The following CCNE2 variants were observed in gnomAD, a reference collection of about 807,000 sequenced individuals.
CCNE2 encodes the protein cyclin E2.
In CCNE2, 18 loss-of-function variants were observed where a neutral mutation model predicts 56.8. The observed-to-expected ratio is 0.32, with a 90% CI of 0.22 to 0.47. The LOEUF is 0.47. Among genes scored for constraint, CCNE2 ranks in the 20% least tolerant of loss-of-function variants. The pLI, the probability that CCNE2 is intolerant of heterozygous loss-of-function variation, is 1.00. For synonymous variants in CCNE2, 139 were observed against 149.2 expected (o/e 0.93, Z 0.50); for missense variants, 371 against 467.1 (o/e 0.79, Z 1.90).
At position 94,892,972 on chromosome 8, in the gene CCNE2, G is replaced by A. The variant is rs771951249; in HGVS notation, c.166-3C>T. The A allele has an allele frequency of 6.6e-6, 10 of 1,524,578 alleles. No individual in the cohort carries two copies. Among genetic ancestry groups the A allele is most frequent in the East Asian group, 2.6e-5 (1 of 38,652 alleles). The allele number at this position is 1,524,578 out of a possible 1,614,324, so 94.4% of individuals were successfully genotyped here. A position where few individuals can be genotyped will look rare whatever the true frequency, so the allele number is the denominator to read the frequency against. On this transcript the variant is annotated splice_polypyrimidine_tract_variant and splice_region_variant and intron_variant, in intron 4 of 11. Coordinates refer to ENST00000308108, the MANE Select transcript of CCNE2 (RefSeq NM_057749.3). ...GATAATACAGGTGGCCAACAATTCT[G>A]TCATAAAAAAAAAGAAAAATATCAA...
Position 94,880,909 on chromosome 8 carries a change from A to C in CCNE2, c.*723T>G, listed in dbSNP as rs1480866068. ...GCAACCTACATGTCAAGAAAGCCCC[A>C]GTTAGGAAGGAGCCACAGCATTTAT... On this transcript the variant is annotated 3_prime_UTR_variant, in exon 12 of 12. Coordinates refer to ENST00000308108, the MANE Select transcript of CCNE2 (RefSeq NM_057749.3). 4 of 398,674 alleles carry C rather than the reference A, an allele frequency of 1.0e-5. No individual in the cohort carries two copies. The highest frequency in any genetic ancestry group is 1.8e-5 in the Non-Finnish European group (4 of 225,934). 24.7% of individuals were successfully genotyped at this position (398,674 alleles called of 1,614,324 possible). A position where few individuals can be genotyped will look rare whatever the true frequency, so the allele number is the denominator to read the frequency against.
chr8:94,893,602 A>G, intron 4 of CCNE2: 1 of 373,920 alleles, frequency 2.7e-6, no homozygotes, highest in Non-Finnish European at 4.8e-6. Flanking sequence ...CGAGGGAACA[A>G]AGAGCAGTAT....
intron 11 of CCNE2, 78 bp downstream of exon 11, chr8:94,882,053 AG>A (rs1816838081): frequency 3.0e-6 from 4 of 1,333,014 alleles, no homozygotes; most frequent in Non-Finnish European, 4.1e-6. Flanking sequence ...TGCCTGAAGG[AG>A]TACTCTATTC....
At chr8:94,894,704 G>C (rs2131130003) in intron 1 of CCNE2, 1 of 155,498 alleles carries the variant, frequency 6.4e-6, no homozygotes, top group Admixed American at 6.4e-5. Context: ...GGGGAAGCAG[G>C]GGGCGGAGGA....
intron 10 of CCNE2, among the ~76,000 whole-genome samples, chr8:94,882,507 C>T (rs529797759): frequency 6.6e-6 from 1 of 152,292 alleles, no homozygotes; most frequent in African/African-American, 2.4e-5. Flanking sequence ...CCAGTACCTT[C>T]TACATATGAA....
At position 94,894,252 on chromosome 8, in the gene CCNE2, A is replaced by AG. The variant is rs749097567; in HGVS notation, c.-26-6dup. On this transcript the variant is annotated splice_region_variant and splice_polypyrimidine_tract_variant and intron_variant, in intron 1 of 11. Coordinates refer to ENST00000308108, the MANE Select transcript of CCNE2 (RefSeq NM_057749.3). ...TCTTTCAGGTGTATAAAACCTCTGA[A>AG]GGGGGGAGAGGAAAAGCCGCAGTCA... 48 of 1,612,822 alleles carry AG rather than the reference A, an allele frequency of 3.0e-5. No homozygotes were observed. The highest frequency in any genetic ancestry group is 3.7e-5 in the Non-Finnish European group (44 of 1,179,796).
rs1329681030 is a variant in CCNE2 at position 94,880,968 on chromosome 8, T to C, written c.*664A>G. ...TAATTTCTTTGGTACTCCCACTGTTTAGAGCACAGGTTGAACACCATGTTC... is the reference window on the plus strand; with the variant it reads ...TAATTTCTTTGGTACTCCCACTGTTCAGAGCACAGGTTGAACACCATGTTC... On this transcript the variant is annotated 3_prime_UTR_variant, in exon 12 of 12. Coordinates refer to ENST00000308108, the MANE Select transcript of CCNE2 (RefSeq NM_057749.3). The C allele has an allele frequency of 7.5e-6, 3 of 398,688 alleles. No homozygotes were observed. Among genetic ancestry groups the C allele is most frequent in the South Asian group, 1.3e-4 (1 of 7,866 alleles). 24.7% of individuals were successfully genotyped at this position (398,688 alleles called of 1,614,324 possible). A position where few individuals can be genotyped will look rare whatever the true frequency, so the allele number is the denominator to read the frequency against.
In CCNE2 at chr8:94,894,210, T is replaced by G. The variant is rs61755287; in HGVS notation, c.12A>C (p.Arg4=). The change falls in exon 2 of 12, where the codon CGA becomes CGC. Residue 4 remains arginine (R), a splice_region_variant and synonymous_variant. Coordinates refer to ENST00000308108, the MANE Select transcript of CCNE2 (RefSeq NM_057749.3). ...GTCTCTAAGACAGATAATGTTACCTTCGTCTTGACATTCTCTTCTTTCAGG... is the reference window on the plus strand; with the variant it reads ...GTCTCTAAGACAGATAATGTTACCTGCGTCTTGACATTCTCTTCTTTCAGG... MSR[R]SSRLQAKQQP... 2.5e-4 allele frequency: 398 copies of G among 1,614,058 alleles called. No homozygotes were observed. Among genetic ancestry groups the G allele is most frequent in the Non-Finnish European group, 3.1e-4 (364 of 1,180,004 alleles).
Position 94,881,712 on chromosome 8 carries a change from C to T in CCNE2, c.1135G>A (p.Gly379Arg). The T allele has an allele frequency of 6.2e-7, 1 of 1,613,808 alleles. No homozygotes were observed. The highest frequency in any genetic ancestry group is 8.5e-7 in the Non-Finnish European group (1 of 1,179,844). Residue 379 changes from glycine to arginine, a missense_variant, in exon 12 of 12, where the codon GGG becomes AGG. Gly to Arg is a moderately radical substitution (Grantham distance 125). Transcript: ENST00000308108. ...EVNYINTFRK[G>R]GQLSPVCNGG... is the part of the protein sequence containing the mutation. The stretch of plus-strand genomic sequence containing the variant: ...TTGCACACTGGTGACAACTGTCCCC[C>T]TTTTCTGAAGGTGTTTATGTAATTT...
At chr8:94,887,681 C>G (rs1817089127) in intron 7 of CCNE2, among the ~76,000 whole-genome samples, 1 of 152,148 alleles carries the variant, frequency 6.6e-6, no homozygotes, top group Non-Finnish European at 1.5e-5. Flanking sequence ...AGCCATGGGA[C>G]ATTTCACTTA....
At chr8:94,881,873 C>G (rs943843738) in intron 11 of CCNE2, 128 bp from the exon 12 acceptor site, 2 of 1,147,650 alleles carry the variant, frequency 1.7e-6, no homozygotes, top group African/African-American at 3.1e-5. Context: ...TGTGAAGGGT[C>G]ATATTCTGAA....
rs758907019 is a variant in CCNE2 at position 94,881,722 on chromosome 8, G to T, written c.1125C>A (p.Thr375=). ...AMLEEVNYIN[T]FRKGGQLSPV... ...GTGACAACTGTCCCCCTTTTCTGAA[G>T]GTGTTTATGTAATTTACTTCCTCCT... The change falls in exon 12 of 12, where the codon ACC becomes ACA. Residue 375 remains threonine (T), a synonymous_variant. Coordinates refer to ENST00000308108, the MANE Select transcript of CCNE2 (RefSeq NM_057749.3). 5 of 1,613,470 alleles carry T rather than the reference G, an allele frequency of 3.1e-6. No individual in the cohort carries two copies. Among genetic ancestry groups the T allele is most frequent in the Non-Finnish European group, 4.2e-6 (5 of 1,179,696 alleles).
intron 5 of CCNE2, among the ~76,000 whole-genome samples, chr8:94,892,261 G>T (rs1400773561): frequency 6.6e-6 from 1 of 152,170 alleles, no homozygotes; most frequent in Non-Finnish European, 1.5e-5. Flanking sequence ...CCTATGGGGT[G>T]GGTAAGGTGG....
chr8:94,894,458 A>C (rs746903067), intron 1 of CCNE2: 122 of 556,806 alleles, frequency 2.2e-4, no homozygotes, highest in Non-Finnish European at 3.5e-4. Context: ...GTACAGCTGG[A>C]ACGCGAGTGT....
At chr8:94,891,022 A>G (rs1817221024) in intron 5 of CCNE2, among the ~76,000 whole-genome samples, 1 of 152,230 alleles carries the variant, frequency 6.6e-6, no homozygotes, top group Admixed American at 6.5e-5. Context: ...AAAGTAAATA[A>G]GAAAAAAAAC....
intron 5 of CCNE2, chr8:94,891,682 AC>A: frequency 3.7e-6 from 2 of 542,172 alleles, no homozygotes; most frequent in East Asian, 3.7e-5. Context: ...AAAAAAAAAC[AC>A]CATGAAGTAT....
At chr8:94,893,833 T>C (rs1317517702) in intron 4 of CCNE2, 58 bp downstream of exon 4, 2 of 1,467,628 alleles carry the variant, frequency 1.4e-6, no homozygotes, top group Non-Finnish European at 9.5e-7. Flanking sequence ...ATAATTCTAT[T>C]CTTATTCATC....
chr8:94,881,241 T>G lies in CCNE2; in HGVS notation c.*391A>C, dbSNP rs1291954197. The G allele has an allele frequency of 2.8e-6, 1 of 356,552 alleles. No individual in the cohort carries two copies. Among genetic ancestry groups the G allele is most frequent in the South Asian group, 1.5e-4 (1 of 6,874 alleles). The allele number at this position is 356,552 out of a possible 1,614,324, so 22.1% of individuals were successfully genotyped here. ...AATCTAACAACTAGATTCAAAGTAC[T>G]GTATCACTTAGTATACCCTTTAAGG... On this transcript the variant is annotated 3_prime_UTR_variant, in exon 12 of 12. Coordinates refer to ENST00000308108, the MANE Select transcript of CCNE2 (RefSeq NM_057749.3).
rs1158854224 is a variant in CCNE2 at position 94,885,138 on chromosome 8, C to T, written c.760G>A (p.Asp254Asn). The T allele has an allele frequency of 6.8e-6, 11 of 1,613,280 alleles. No homozygotes were observed. The highest frequency in any genetic ancestry group is 1.7e-5 in the Admixed American group (1 of 60,006). ...ISWLNLFLQV[D>N]ALKDAPKVLL... ...ACTTTAGGAGCATCTTTAAGAGCAT[C>T]AACTTGGAGAAAGAGATTTAGCCAG... Residue 254 changes from aspartate (D) to asparagine (N), a missense_variant, in exon 9 of 12, where the codon GAT becomes AAT. Physicochemically the swap from Asp to Asn is conservative, Grantham distance 23. Coordinates refer to ENST00000308108, the MANE Select transcript of CCNE2 (RefSeq NM_057749.3).
Sources: gnomAD v4.1 joint callset for allele counts (sites outside exome capture counted in the v4.1 genomes callset) on GRCh38, gnomAD v4.1.1 for gene constraint, MANE v1.5 for transcripts, NCBI Gene and HGNC (gene_info 2026-07-23, HGNC 2026-07-21) for gene names.